The following PRIMPOL variants were observed in gnomAD, a reference collection of about 807,000 sequenced individuals.
PRIMPOL encodes DNA-directed primase/polymerase protein.
In PRIMPOL, 54 loss-of-function variants were observed where a neutral mutation model predicts 63.6. That is an observed-to-expected ratio of 0.85 (90% CI 0.68 to 1.07). The LOEUF (loss-of-function observed/expected upper bound fraction) is 1.07. PRIMPOL is among the 50% of genes least tolerant of loss of function. The probability of loss-of-function intolerance (pLI) is 0.00; values close to 1 mark genes in which losing one functional copy is unlikely to be tolerated. For synonymous variants in PRIMPOL, 197 were observed against 220.2 expected (o/e 0.89, Z 0.93); for missense variants, 610 against 648.3 (o/e 0.94, Z 0.64).
chr4:184,677,638 T>G (rs1350849021), intron 7 of PRIMPOL, among the ~76,000 whole-genome samples: 2 of 152,228 alleles, frequency 1.3e-5, no homozygotes, highest in Non-Finnish European at 2.9e-5. Context: ...GCACTTCCAT[T>G]TAAATTTTAG....
At chr4:184,667,561 T>C (rs2001871) in intron 6 of PRIMPOL, among the ~76,000 whole-genome samples, 54,736 of 151,954 alleles carry the variant, frequency 0.36, 10,744 homozygotes, top group East Asian at 0.78. Flanking sequence ...CTGCCCGCCT[T>C]GGCCTCCCAA....
intron 6 of PRIMPOL, among the ~76,000 whole-genome samples, chr4:184,671,968 C>T (rs1324874746): frequency 1.6e-4 from 25 of 151,868 alleles, no homozygotes; most frequent in Admixed American, 1.6e-3. Context: ...TCTCGATCTC[C>T]CGACCTTGTG....
intron 2 of PRIMPOL, among the ~76,000 whole-genome samples, chr4:184,652,598 A>C (rs1279075869): frequency 6.6e-6 from 1 of 152,212 alleles, no homozygotes; most frequent in South Asian, 2.1e-4. Context: ...AACTTATATA[A>C]TAATATTTTT....
intron 11 of PRIMPOL, among the ~76,000 whole-genome samples, chr4:184,688,795 GAA>G (rs1757673605): frequency 6.6e-6 from 1 of 152,200 alleles, no homozygotes; most frequent in African/African-American, 2.4e-5. Context: ...GGTAAGGACT[GAA>G]CTCCTAGCGT....
intron 11 of PRIMPOL, among the ~76,000 whole-genome samples, chr4:184,688,669 T>C (rs1757639641): frequency 1.3e-5 from 2 of 152,190 alleles, no homozygotes; most frequent in Non-Finnish European, 2.9e-5. Flanking sequence ...CATTTTACAC[T>C]CAAGTTGCAC....
chr4:184,688,797 ACTC>A (rs2150160702), intron 11 of PRIMPOL, among the ~76,000 whole-genome samples: 1 of 152,112 alleles, frequency 6.6e-6, no homozygotes, highest in African/African-American at 2.4e-5. Context: ...TAAGGACTGA[ACTC>A]CTAGCGTTTG....
chr4:184,684,861 ACAAAAAAACCAGCAG>A (rs1273068950), intron 9 of PRIMPOL, among the ~76,000 whole-genome samples: 21 of 152,304 alleles, frequency 1.4e-4, no homozygotes, highest in African/African-American at 4.1e-4. Flanking sequence ...AAAAAAACAA[ACAAAAAAACCAGCAG>A]TTGCTTCTGT....
chr4:184,694,944 T>G lies in PRIMPOL; in HGVS notation c.*165T>G. ...AACCAATTTCATTAAAAATTAGCTT[T>G]GGTGTAAATTCAGGAGAAATCGCCT... On this transcript the variant is annotated 3_prime_UTR_variant, in exon 14 of 14. Coordinates refer to ENST00000314970, the MANE Select transcript of PRIMPOL (RefSeq NM_152683.4). The G allele has an allele frequency of 1.7e-6, 1 of 605,868 alleles. No homozygotes were observed. Among genetic ancestry groups the G allele is most frequent in the Non-Finnish European group, 2.8e-6 (1 of 355,996 alleles). 37.5% of individuals were successfully genotyped at this position (605,868 alleles called of 1,614,324 possible). A position where few individuals can be genotyped will look rare whatever the true frequency, so the allele number is the denominator to read the frequency against.
intron 5 of PRIMPOL, among the ~76,000 whole-genome samples, chr4:184,665,050 A>G (rs966443244): frequency 6.6e-6 from 1 of 152,228 alleles, no homozygotes; most frequent in Non-Finnish European, 1.5e-5. Context: ...ACGGCAGTTC[A>G]TAAACATTTT....
intron 11 of PRIMPOL, among the ~76,000 whole-genome samples, chr4:184,689,603 C>T (rs561114779): frequency 9.2e-5 from 14 of 151,810 alleles, no homozygotes; most frequent in Non-Finnish European, 1.8e-4. Flanking sequence ...CAGGTGCCCA[C>T]CGCCACGCCT....
At chr4:184,685,755 G>A in intron 11 of PRIMPOL, 71 bp downstream of exon 11, 1 of 661,804 alleles carries the variant, frequency 1.5e-6, no homozygotes, top group Non-Finnish European at 2.4e-6. Context: ...TTTTAAAGTT[G>A]CGAATATGAA....
At chr4:184,687,214 G>A (rs1375651981) in intron 11 of PRIMPOL, among the ~76,000 whole-genome samples, 1 of 152,126 alleles carries the variant, frequency 6.6e-6, no homozygotes, top group Non-Finnish European at 1.5e-5. Context: ...GGGATTACAA[G>A]TGTGTACTAC....
intron 3 of PRIMPOL, among the ~76,000 whole-genome samples, chr4:184,657,919 G>C (rs930767599): frequency 1.3e-5 from 2 of 152,054 alleles, no homozygotes; most frequent in African/African-American, 4.8e-5. Context: ...CTTGAACCCG[G>C]AAGGCGGAGT....
At chr4:184,688,699 A>C (rs1757645613) in intron 11 of PRIMPOL, among the ~76,000 whole-genome samples, 1 of 152,218 alleles carries the variant, frequency 6.6e-6, no homozygotes, top group Admixed American at 6.5e-5. Context: ...ACATTTCCGG[A>C]AAGCATGCCT....
In PRIMPOL at chr4:184,665,932, C is replaced by T. The variant is rs1326491080; in HGVS notation, c.424C>T (p.Leu142Phe). ...ALLIEYVCKALQELYGVNCSA... is the reference protein window; with the variant it reads ...ALLIEYVCKAFQELYGVNCSA... ...GTGTTTTTAGTATGTGTGTAAAGCA[C>T]TTCAAGAGTTATACGGTGTTAATTG... The change falls in exon 6 of 14, where the codon CTT becomes TTT. Residue 142 changes from leucine to phenylalanine, a missense_variant. Physicochemically the swap from Leu to Phe is conservative, Grantham distance 22. Coordinates refer to ENST00000314970, the MANE Select transcript of PRIMPOL (RefSeq NM_152683.4). 2 of 1,592,840 alleles carry T rather than the reference C, an allele frequency of 1.3e-6. No individual in the cohort carries two copies. Among genetic ancestry groups the T allele is most frequent in the South Asian group, 2.3e-5 (2 of 87,230 alleles).
In PRIMPOL at chr4:184,655,394, G is replaced by T. The variant is rs185517200; in HGVS notation, c.-59-1688G>T. ...GCTGGAGTGCAGTGGTGCGATCTCG[G>T]CTCACTGGCACCTCCACTCCTGGTT... is the stretch of plus-strand genomic sequence containing the variant. On this transcript the variant is annotated intron_variant, in intron 2 of 13. Transcript: ENST00000314970. Among the ~76,000 whole-genome samples, 22 of 149,152 alleles carry T rather than the reference G, an allele frequency of 1.5e-4. No individual in the cohort carries two copies. The East Asian group carries it at 4.4e-3, about 30-fold the overall frequency.
chr4:184,653,807 A>G (rs942340008), intron 2 of PRIMPOL, among the ~76,000 whole-genome samples: 2 of 152,252 alleles, frequency 1.3e-5, no homozygotes, highest in East Asian at 1.9e-4. Flanking sequence ...CATTTCTAAT[A>G]TGGTGACATA....
intron 11 of PRIMPOL, among the ~76,000 whole-genome samples, chr4:184,691,083 T>G (rs6825471): frequency 9.2e-5 from 14 of 152,204 alleles, no homozygotes; most frequent in Non-Finnish European, 1.9e-4. Context: ...TTGCTTTTTG[T>G]CATTCATTTT....
At chr4:184,650,403 C>G (rs12108497) in intron 1 of PRIMPOL, among the ~76,000 whole-genome samples, 1 of 152,008 alleles carries the variant, frequency 6.6e-6, no homozygotes, top group Non-Finnish European at 1.5e-5. Context: ...GCCGAAGGCC[C>G]CATCTTTTAT....
Sources: allele counts gnomAD v4.1 joint callset (sites outside exome capture counted in the v4.1 genomes callset), GRCh38; gene constraint gnomAD v4.1.1; transcripts MANE v1.5; gene names NCBI Gene and HGNC (gene_info 2026-07-23, HGNC 2026-07-21).